The following WDPCP variants were observed in gnomAD, a reference collection of about 807,000 sequenced individuals.
The protein encoded by WDPCP is WD repeat containing planar cell polarity effector, also known as WD repeat-containing and planar cell polarity effector protein fritz homolog.
Under a neutral mutation model 93.1 loss-of-function variants are expected in WDPCP, and 71 were observed. The observed-to-expected ratio is 0.76, with a 90% CI of 0.63 to 0.93. WDPCP has a LOEUF of 0.93. WDPCP is among the 40% of genes least tolerant of loss of function. The probability of loss-of-function intolerance (pLI) is 0.00; values close to 1 mark genes in which losing one functional copy is unlikely to be tolerated. For synonymous variants in WDPCP, 315 were observed against 315.0 expected, an observed-to-expected ratio of 1.00 and a Z score of 0.00; for missense variants, 844 against 887.4, an observed-to-expected ratio of 0.95 and a Z score of 0.62.
chr2:63,662,016 G>C (rs566983423), intron 2 of WDPCP, among the ~76,000 whole-genome samples: 3 of 152,268 alleles, frequency 2.0e-5, no homozygotes, highest in Admixed American at 1.3e-4. Context: ...GGTAAGAGGG[G>C]AAGCATAAAA....
chr2:63,696,957 G>C (rs1205806178), intron 2 of WDPCP, among the ~76,000 whole-genome samples: 1 of 152,186 alleles, frequency 6.6e-6, no homozygotes, highest in East Asian at 1.9e-4. Context: ...TACATAGTCT[G>C]TCCTGTTACA....
chr2:63,311,864 A>C (rs1191842293), intron 13 of WDPCP, among the ~76,000 whole-genome samples: 1 of 152,196 alleles, frequency 6.6e-6, no homozygotes, highest in Non-Finnish European at 1.5e-5. Context: ...CAAACATTTA[A>C]ATATTCATCT....
chr2:63,340,448 T>A (rs1038150876), intron 12 of WDPCP, among the ~76,000 whole-genome samples: 2 of 152,202 alleles, frequency 1.3e-5, no homozygotes, highest in Non-Finnish European at 2.9e-5. Flanking sequence ...TAGTCCTGCC[T>A]ACCTACTCTG....
intron 1 of WDPCP, among the ~76,000 whole-genome samples, chr2:63,521,487 C>G (rs1282661616): frequency 6.6e-6 from 1 of 151,928 alleles, no homozygotes; most frequent in South Asian, 2.1e-4. Context: ...GTAAAAGGCT[C>G]AATACACACC....
chr2:63,836,608 G>C, the WDPCP span, among the ~76,000 whole-genome samples: 1 of 152,110 alleles, frequency 6.6e-6, no homozygotes, highest in South Asian at 2.1e-4. Context: ...AGAATATAGG[G>C]AGTTTATTTA....
At chr2:63,450,747 G>C (rs979440947) in intron 6 of WDPCP, among the ~76,000 whole-genome samples, 1 of 152,156 alleles carries the variant, frequency 6.6e-6, no homozygotes, top group Admixed American at 6.5e-5. Context: ...GCTGTTTCCA[G>C]ATGAAGAAAT....
At chr2:63,742,547 C>T (rs930247663) in intron 2 of WDPCP, among the ~76,000 whole-genome samples, 22 of 151,532 alleles carry the variant, frequency 1.5e-4, no homozygotes, top group African/African-American at 5.3e-4. Context: ...AGGTAGATTG[C>T]ATTAAAAGCC....
chr2:63,535,713 G>A (rs186910594), intron 1 of WDPCP, among the ~76,000 whole-genome samples: 2,478 of 152,134 alleles, frequency 0.016, 31 homozygotes, highest in Non-Finnish European at 0.026. Flanking sequence ...AAATTAATTC[G>A]AGATGGATTA....
At chr2:63,623,257 C>T (rs549942498) in intron 3 of WDPCP, among the ~76,000 whole-genome samples, 8 of 152,282 alleles carry the variant, frequency 5.3e-5, no homozygotes, top group South Asian at 2.1e-4. Flanking sequence ...AGACCATCAA[C>T]GCTATGAAGA....
At chr2:63,823,697 C>G (rs183289626) in intron 1 of WDPCP, among the ~76,000 whole-genome samples, 1 of 152,200 alleles carries the variant, frequency 6.6e-6, no homozygotes, top group Admixed American at 6.5e-5. Context: ...ACACTCTCCC[C>G]CTAAATACAC....
chr2:63,487,175 TA>T (rs1461588968), intron 3 of WDPCP, among the ~76,000 whole-genome samples: 2 of 151,968 alleles, frequency 1.3e-5, no homozygotes, highest in Non-Finnish European at 2.9e-5. Context: ...GGGACACTGA[TA>T]AATAAATGTG....
At chr2:63,421,054 A>G (rs1695821387) in intron 9 of WDPCP, among the ~76,000 whole-genome samples, 2 of 152,204 alleles carry the variant, frequency 1.3e-5, no homozygotes, top group Non-Finnish European at 2.9e-5. Context: ...TTACTCTACC[A>G]TAATAGTGAA....
chr2:63,481,779 T>C (rs892563717), intron 6 of WDPCP, among the ~76,000 whole-genome samples: 2 of 151,594 alleles, frequency 1.3e-5, no homozygotes, highest in African/African-American at 4.8e-5. Context: ...AGACTACAAA[T>C]AGGATACAGT....
chr2:63,557,708 C>T (rs1410603241), intron 1 of WDPCP, among the ~76,000 whole-genome samples: 1 of 152,090 alleles, frequency 6.6e-6, no homozygotes. Context: ...CTTCTCGGTG[C>T]CACATTCACT....
chr2:63,394,060 CAT>C (rs1337038022), intron 10 of WDPCP, among the ~76,000 whole-genome samples: 1 of 152,128 alleles, frequency 6.6e-6, no homozygotes, highest in South Asian at 2.1e-4. Flanking sequence ...CAAAACCAAA[CAT>C]TGACAAATGA....
chr2:63,349,015 T>C (rs569471058), intron 12 of WDPCP, among the ~76,000 whole-genome samples: 7 of 152,342 alleles, frequency 4.6e-5, no homozygotes, highest in Admixed American at 3.3e-4. Context: ...TGGCCACTTA[T>C]GGAAACTACA....
Position 63,273,089 on chromosome 2 carries a change from C to T in WDPCP, c.1813-13680G>A, listed in dbSNP as rs145246348. ...ACAGGAGAGAATAGGATGATATATT[C>T]AAACTACTGAAAGAAAAAAAACATG... On this transcript the variant is annotated intron_variant, in intron 13 of 17. Transcript: ENST00000272321. Among the ~76,000 whole-genome samples, 8 of 152,050 alleles carry T rather than the reference C, an allele frequency of 5.3e-5. No individual in the cohort carries two copies. In the East Asian group the frequency reaches 1.5e-3, roughly 29 times the overall value.
chr2:63,681,770 G>T (rs1259836628), intron 2 of WDPCP, among the ~76,000 whole-genome samples: 1 of 152,166 alleles, frequency 6.6e-6, no homozygotes, highest in Non-Finnish European at 1.5e-5. Context: ...ACCAAGCACA[G>T]TCTCAGCAGT....
At chr2:63,619,458 C>T (rs932090114) in intron 3 of WDPCP, among the ~76,000 whole-genome samples, 1 of 152,158 alleles carries the variant, frequency 6.6e-6, no homozygotes, top group African/African-American at 2.4e-5. Context: ...ATTTTTGGTA[C>T]AGCTAACTCA....
Sources: allele counts gnomAD v4.1 joint callset (sites outside exome capture counted in the v4.1 genomes callset), GRCh38; gene constraint gnomAD v4.1.1; transcripts MANE v1.5; gene names NCBI Gene and HGNC (gene_info 2026-07-23, HGNC 2026-07-21).